LRRTM4: variants seen among roughly 807,000 people sequenced by gnomAD.
LRRTM4 encodes the protein leucine-rich repeat transmembrane neuronal protein 4.
Under a neutral mutation model 47.6 loss-of-function variants are expected in LRRTM4, and 25 were observed. That is an observed-to-expected ratio of 0.53 (90% CI 0.38 to 0.73). The LOEUF is 0.73. Ranked by LOEUF, LRRTM4 falls within the 30% of genes least tolerant of loss-of-function variation. The pLI, the probability that LRRTM4 is intolerant of heterozygous loss-of-function variation, is 0.00. For synonymous variants in LRRTM4, 311 were observed against 269.5 expected (o/e 1.15, Z -1.51); for missense variants, 638 against 713.4 (o/e 0.89, Z 1.20).
intron 3 of LRRTM4, among the ~76,000 whole-genome samples, chr2:77,050,054 G>T (rs181623973): frequency 8.6e-4 from 129 of 150,504 alleles, no homozygotes; most frequent in African/African-American, 2.8e-3. Context: ...ATAAACACTT[G>T]TCCTTTGGAG....
chr2:77,400,640 G>A (rs1368357920), intron 3 of LRRTM4, among the ~76,000 whole-genome samples: 1 of 151,770 alleles, frequency 6.6e-6, no homozygotes, highest in Admixed American at 6.6e-5. Context: ...CAGAAATTCG[G>A]TGAATTATGT....
In LRRTM4 at chr2:76,896,764, T is replaced by C. The variant is rs554554465; in HGVS notation, c.1552-147848A>G. On this transcript the variant is annotated intron_variant, in intron 3 of 3. Coordinates refer to ENST00000409884, the MANE Select transcript of LRRTM4 (RefSeq NM_001134745.3). ...CCAGAGTTTATTGGACACTTTCTGA[T>C]TGCACTGTCTTAAGGGCAGTGAGGT... Among the ~76,000 whole-genome samples the C allele has an allele frequency of 1.3e-4, 19 of 150,290 alleles. No homozygotes were observed. The East Asian group carries it at 3.1e-3, about 25-fold the overall frequency.
intron 3 of LRRTM4, among the ~76,000 whole-genome samples, chr2:77,508,736 TAA>T (rs942716956): frequency 6.6e-6 from 1 of 152,184 alleles, no homozygotes; most frequent in African/African-American, 2.4e-5. Context: ...TCTACAAATA[TAA>T]GAGCTTATAC....
At chr2:77,272,814 G>A (rs6732192) in intron 3 of LRRTM4, among the ~76,000 whole-genome samples, 7,857 of 152,070 alleles carry the variant, frequency 0.052, 643 homozygotes, top group African/African-American at 0.18. Context: ...GTGATCTCTT[G>A]CACATACTGG....
chr2:77,404,807 G>A (rs1341796550), intron 3 of LRRTM4, among the ~76,000 whole-genome samples: 1 of 152,058 alleles, frequency 6.6e-6, no homozygotes, highest in Non-Finnish European at 1.5e-5. Flanking sequence ...CACAGGAGTG[G>A]TGGGAAAGCT....
intron 3 of LRRTM4, among the ~76,000 whole-genome samples, chr2:77,007,031 G>GTT (rs1677679616): frequency 6.6e-6 from 1 of 151,846 alleles, no homozygotes; most frequent in African/African-American, 2.4e-5. Flanking sequence ...TTTGTTTTTT[G>GTT]TTTTTGTTCT....
intron 3 of LRRTM4, among the ~76,000 whole-genome samples, chr2:77,156,178 A>G (rs1446264231): frequency 6.6e-6 from 1 of 152,104 alleles, no homozygotes; most frequent in African/African-American, 2.4e-5. Flanking sequence ...ATTATAATTT[A>G]TAAACACCAT....
chr2:77,178,521 G>C (rs940313146), intron 3 of LRRTM4, among the ~76,000 whole-genome samples: 1 of 152,102 alleles, frequency 6.6e-6, no homozygotes, highest in East Asian at 1.9e-4. Flanking sequence ...AGGAGGTGGA[G>C]GTTGCAGTGA....
intron 3 of LRRTM4, among the ~76,000 whole-genome samples, chr2:76,760,214 C>T (rs1252816084): frequency 6.6e-6 from 1 of 152,166 alleles, no homozygotes; most frequent in Non-Finnish European, 1.5e-5. Context: ...TCTAGAATCA[C>T]AGGCCACCGT....
At chr2:77,516,960 G>C (rs1290959549) in intron 3 of LRRTM4, 6 of 984,788 alleles carry the variant, frequency 6.1e-6, no homozygotes, top group Non-Finnish European at 7.2e-6. Flanking sequence ...ACTAGCATTA[G>C]AAAGGGCAAC....
Position 77,066,075 on chromosome 2 carries a change from A to G in LRRTM4, c.1552-317159T>C, listed in dbSNP as rs147848454. Among the ~76,000 whole-genome samples the G allele has an allele frequency of 5.8e-3, 884 of 152,316 alleles. 9 individuals are homozygous for G. Among genetic ancestry groups the G allele is most frequent in the African/African-American group, 0.02 (843 of 41,584 alleles). ...CAGAGAAGAATAAAAATGGTGTACT[A>G]TAACTTTTTCTATGGATTTTACAAT... On this transcript the variant is annotated intron_variant, in intron 3 of 3. Transcript: ENST00000409884.
rs372919202 is a variant in LRRTM4 at position 76,889,574 on chromosome 2, A to G, written c.1552-140658T>C. Among the ~76,000 whole-genome samples the G allele has an allele frequency of 1.1e-4, 17 of 152,074 alleles. No homozygotes were observed. The South Asian group carries it at 3.5e-3, about 31-fold the overall frequency. On this transcript the variant is annotated intron_variant, in intron 3 of 3. Transcript: ENST00000409884. ...AGAGTGGAAACCTGGCAACAGATAT[A>G]TAAAAATAATTTGGCTTCAAAGATC...
intron 3 of LRRTM4, among the ~76,000 whole-genome samples, chr2:77,208,913 G>A (rs1240223251): frequency 6.6e-6 from 1 of 152,132 alleles, no homozygotes; most frequent in Non-Finnish European, 1.5e-5. Flanking sequence ...AAATAGAATT[G>A]TAAAAGATAC....
intron 3 of LRRTM4, among the ~76,000 whole-genome samples, chr2:77,167,354 G>A (rs1461607055): frequency 6.6e-6 from 1 of 152,272 alleles, no homozygotes; most frequent in Admixed American, 6.5e-5. Context: ...ACTGTTGGTA[G>A]GACTGTAAAC....
At chr2:77,437,505 T>C (rs1226107105) in intron 3 of LRRTM4, among the ~76,000 whole-genome samples, 1 of 152,122 alleles carries the variant, frequency 6.6e-6, no homozygotes. Context: ...AAATTGGGCA[T>C]AACCTTTTCA....
intron 3 of LRRTM4, among the ~76,000 whole-genome samples, chr2:77,368,047 T>C (rs933472438): frequency 7.2e-5 from 11 of 151,742 alleles, no homozygotes; most frequent in Non-Finnish European, 1.6e-4. Context: ...AACTCTGTAG[T>C]GGAAAAATAT....
At chr2:76,932,524 C>T (rs1490689308) in intron 3 of LRRTM4, among the ~76,000 whole-genome samples, 1 of 152,000 alleles carries the variant, frequency 6.6e-6, no homozygotes, top group Non-Finnish European at 1.5e-5. Flanking sequence ...AGGAAGAAGA[C>T]GGTACGCCCT....
At chr2:77,106,194 C>T (rs570098119) in intron 3 of LRRTM4, among the ~76,000 whole-genome samples, 2 of 152,272 alleles carry the variant, frequency 1.3e-5, no homozygotes, top group Non-Finnish European at 2.9e-5. Context: ...TATCATGACA[C>T]TCTAAATGAT....
At chr2:76,833,042 T>C (rs563767314) in intron 3 of LRRTM4, among the ~76,000 whole-genome samples, 2 of 152,084 alleles carry the variant, frequency 1.3e-5, no homozygotes, top group East Asian at 3.9e-4. Context: ...AAGAGTGATG[T>C]TGAATTGTTT....
Sources: allele counts gnomAD v4.1 joint callset (sites outside exome capture counted in the v4.1 genomes callset), GRCh38; gene constraint gnomAD v4.1.1; transcripts MANE v1.5; gene names NCBI Gene and HGNC (gene_info 2026-07-23, HGNC 2026-07-21).